IGFN1: variants seen among roughly 807,000 people sequenced by gnomAD.
The protein encoded by IGFN1 is immunoglobulin-like and fibronectin type III domain-containing protein 1.
In IGFN1, 253 loss-of-function variants were observed where a neutral mutation model predicts 289.5. That is an observed-to-expected ratio of 0.87 (90% CI 0.79 to 0.97). The LOEUF (loss-of-function observed/expected upper bound fraction) is 0.97. IGFN1 is among the 50% of genes least tolerant of loss of function. The probability of loss-of-function intolerance (pLI) is 0.00; values close to 1 mark genes in which losing one functional copy is unlikely to be tolerated. For missense variants in IGFN1, 4,470 were observed against 4,686.1 expected (o/e 0.95, Z 1.35); for synonymous variants, 1,706 against 1,788.5 (o/e 0.95, Z 1.16).
chr1:201,211,367 A>G lies in IGFN1; in HGVS notation c.6474A>G (p.Ala2158=), dbSNP rs1322597419. Reference sequence around the variant, plus strand: ...AGGGAATGGGTTCAGAGAGTAAGGCAGGTTTTAGGGATGGTTTAGGGAGTT... The same window carrying G: ...AGGGAATGGGTTCAGAGAGTAAGGCGGGTTTTAGGGATGGTTTAGGGAGTT... ...APKGMGSESK[A]GFRDGLGSSG... The change falls in exon 12 of 24, where the codon GCA becomes GCG. Residue 2158 remains alanine (A), a synonymous_variant. Coordinates refer to ENST00000335211, the MANE Select transcript of IGFN1 (RefSeq NM_001164586.2). 2.7e-6 allele frequency: 4 copies of G among 1,491,268 alleles called. No individual in the cohort carries two copies. In the Admixed American group the frequency reaches 6.2e-5, roughly 23 times the overall value. The allele number at this position is 1,491,268 out of a possible 1,614,324, so 92.4% of individuals were successfully genotyped here.
intron 9 of IGFN1, among the ~76,000 whole-genome samples, chr1:201,202,393 C>G (rs765750469): frequency 6.6e-6 from 1 of 152,174 alleles, no homozygotes; most frequent in African/African-American, 2.4e-5. Context: ...TGTACTGCAG[C>G]GCTAAATGAC....
In IGFN1 at chr1:201,217,318, C is replaced by T. The variant is rs779520874; in HGVS notation, c.9627C>T (p.Ile3209=). ...CCAAGGCCCCTTCCGCGCCAGCCAT[C>T]CTGTCGGCCTCCAGCCAGGGCATCA... is the stretch of plus-strand genomic sequence containing the variant. ...ALPKAPSAPA[I]LSASSQGITL... is the part of the protein sequence containing the mutation. Residue 3209 remains isoleucine, a synonymous_variant, in exon 17 of 24, where the codon ATC becomes ATT. Transcript: ENST00000335211. The T allele has an allele frequency of 3.7e-6, 6 of 1,613,984 alleles. No individual in the cohort carries two copies. Among genetic ancestry groups the T allele is most frequent in the Non-Finnish European group, 5.1e-6 (6 of 1,180,004 alleles).
Position 201,225,927 on chromosome 1 carries a change from G to A in IGFN1, c.10590G>A (p.Leu3530=), listed in dbSNP as rs773313336. 16 of 1,605,912 alleles carry A rather than the reference G, an allele frequency of 1.0e-5. No individual in the cohort carries two copies. The highest frequency in any genetic ancestry group is 1.1e-5 in the Non-Finnish European group (13 of 1,176,296). Residue 3530 remains leucine, a synonymous_variant, in exon 22 of 24, where the codon CTG becomes CTA. Transcript: ENST00000335211. Reference sequence around the variant, plus strand: ...CTGACGAGGCCCAGGATGTCCCGCTGCACTACGCGGTGTTCACACGCTCCT... The same window carrying A: ...CTGACGAGGCCCAGGATGTCCCGCTACACTACGCGGTGTTCACACGCTCCT... ...PSPDEAQDVP[L]HYAVFTRSSA... is the part of the protein sequence containing the mutation.
At chr1:201,204,535 A>G (rs1571445085) in intron 10 of IGFN1, among the ~76,000 whole-genome samples, 1 of 152,280 alleles carries the variant, frequency 6.6e-6, no homozygotes, top group Non-Finnish European at 1.5e-5. Context: ...GGGAGAAAAA[A>G]GGGGGTTATG....
chr1:201,197,126 A>T, intron 4 of IGFN1, 92 bp from the exon 5 acceptor site: 1 of 736,808 alleles, frequency 1.4e-6, no homozygotes. Context: ...ACCATGTCTT[A>T]CTCACTTTAT....
intron 13 of IGFN1, 47 bp downstream of exon 13, chr1:201,214,348 G>C: frequency 6.4e-7 from 1 of 1,557,190 alleles, no homozygotes; most frequent in Non-Finnish European, 8.7e-7. Flanking sequence ...GAGGGACAGA[G>C]GTAAAGCAGA....
chr1:201,224,514 C>G (rs879166646), intron 20 of IGFN1, among the ~76,000 whole-genome samples, 165 bp from the exon 21 acceptor site: 2 of 152,208 alleles, frequency 1.3e-5, no homozygotes, highest in South Asian at 4.1e-4. Flanking sequence ...ATCACCACCC[C>G]TCTTTCCCAC....
At chr1:201,196,521 T>A (rs1666928621) in intron 4 of IGFN1, among the ~76,000 whole-genome samples, 1 of 152,166 alleles carries the variant, frequency 6.6e-6, no homozygotes, top group Non-Finnish European at 1.5e-5. Context: ...ATTTTTGTAT[T>A]TTTAGTAGAG....
In IGFN1 at chr1:201,217,775, G is replaced by A. The variant is rs146200298; in HGVS notation, c.9769+315G>A. On this transcript the variant is annotated intron_variant, in intron 17 of 23. Transcript: ENST00000335211. ...CTGGCAAAAAAATTTCAATTGTGCTGAGGTGAAGAAGCCCTGATTCAGAAA... is the reference window on the plus strand; with the variant it reads ...CTGGCAAAAAAATTTCAATTGTGCTAAGGTGAAGAAGCCCTGATTCAGAAA... 2.4e-4 allele frequency among the ~76,000 whole-genome samples: 37 copies of A among 152,310 alleles called. No individual in the cohort carries two copies. In the East Asian group the frequency reaches 3.3e-3, roughly 13 times the overall value.
chr1:201,196,636 C>T (rs1280267042), intron 4 of IGFN1, among the ~76,000 whole-genome samples: 1 of 152,156 alleles, frequency 6.6e-6, no homozygotes, highest in Non-Finnish European at 1.5e-5. Context: ...TGAGCCACTG[C>T]GCCTGGCCAG....
Position 201,212,163 on chromosome 1 carries a change from C to G in IGFN1, c.7270C>G (p.Pro2424Ala). Residue 2424 changes from proline (P) to alanine (A), a missense_variant, in exon 12 of 24, where the codon CCT (proline) becomes GCT (alanine). By Grantham distance (27) the Pro-to-Ala change is conservative (BLOSUM62 -1). Coordinates refer to ENST00000335211, the MANE Select transcript of IGFN1 (RefSeq NM_001164586.2). Reference protein sequence around the residue: ...LVDGAGPGVEPGMAGMPGTAG... With the variant: ...LVDGAGPGVEAGMAGMPGTAG... ...GGATGGGGCAGGACCTGGGGTGGAA[C>G]CTGGGATGGCTGGAATGCCAGGCAC... 1 of 1,535,996 alleles carries G rather than the reference C, an allele frequency of 6.5e-7. No individual in the cohort carries two copies. Among genetic ancestry groups the G allele is most frequent in the Non-Finnish European group, 8.7e-7 (1 of 1,146,594 alleles).
chr1:201,204,754 G>T (rs1168843545), intron 10 of IGFN1, among the ~76,000 whole-genome samples: 1 of 152,218 alleles, frequency 6.6e-6, no homozygotes, highest in Non-Finnish European at 1.5e-5. Context: ...TTATCTTGGA[G>T]ATGGTCACAA....
At chr1:201,226,196 G>A (rs1654087587) in intron 22 of IGFN1, 73 bp downstream of exon 22, 3 of 1,432,750 alleles carry the variant, frequency 2.1e-6, no homozygotes, top group Non-Finnish European at 2.8e-6. Flanking sequence ...ATGCACCCAA[G>A]CATGGCAAGC....
At chr1:201,215,928 C>A (rs890089232) in intron 15 of IGFN1, 90 bp downstream of exon 15, 3 of 1,222,034 alleles carry the variant, frequency 2.5e-6, no homozygotes, top group African/African-American at 1.5e-5. Context: ...GGGATATGAT[C>A]TCTGCTGGCT....
Position 201,211,528 on chromosome 1 carries a change from C to A in IGFN1, c.6635C>A (p.Ala2212Glu). 6.6e-7 allele frequency: 1 copy of A among 1,520,804 alleles called. No homozygotes were observed. The highest frequency in any genetic ancestry group is 8.8e-7 in the Non-Finnish European group (1 of 1,138,752). The allele number at this position is 1,520,804 out of a possible 1,614,324, so 94.2% of individuals were successfully genotyped here. ...GAAGAAATGGGGTCAGTGAATAAGG[C>A]AGGTTATAGGAAGGATTTGGGGGCT... ...GSEEMGSVNK[A>E]GYRKDLGAPK... Residue 2212 changes from alanine to glutamate, a missense_variant, in exon 12 of 24, where the codon GCA (alanine) becomes GAA (glutamate). Around this residue, in one of 8 missense-constraint regions of IGFN1, gnomAD observed 2,218 missense variants for 2,114.1 expected, o/e 1.05. Coordinates refer to ENST00000335211, the MANE Select transcript of IGFN1 (RefSeq NM_001164586.2).
chr1:201,221,470 C>G lies in IGFN1; in HGVS notation c.9925C>G (p.Gln3309Glu). The change falls in exon 19 of 24, where the codon CAA becomes GAA. Residue 3309 changes from glutamine (Q) to glutamate (E), a missense_variant. By Grantham distance (29) the Gln-to-Glu change is conservative. Transcript: ENST00000335211. ...MRPPGLVRNL[Q>E]VTDRSNTSIT... ...ACCCCCTGGGCTGGTGAGGAATCTC[C>G]AAGTCACAGACAGATCGAACACCAG... The G allele has an allele frequency of 6.2e-7, 1 of 1,604,368 alleles. No individual in the cohort carries two copies. The highest frequency in any genetic ancestry group is 8.5e-7 in the Non-Finnish European group (1 of 1,174,852).
Position 201,207,170 on chromosome 1 carries a change from A to G in IGFN1, c.2277A>G (p.Ile759Met). The G allele has an allele frequency of 6.5e-7, 1 of 1,536,992 alleles. No individual in the cohort carries two copies. The highest frequency in any genetic ancestry group is 1.4e-5 in the African/African-American group (1 of 73,150). ...ACTCACTGCAGGAGGCAGATGGTAT[A>G]TGCCGGGGGGAGTCTGTAGTTACAG... ...AEDSLQEADG[I>M]CRGESVVTGS... The change falls in exon 12 of 24, where the codon ATA (isoleucine) becomes ATG (methionine). Residue 759 changes from isoleucine (I) to methionine (M), a missense_variant. Ile to Met is a conservative substitution (Grantham distance 10). This residue lies in a region of IGFN1 where 2,011 missense variants were observed against 1,953.4 expected (regional missense o/e 1.03). Coordinates refer to ENST00000335211, the MANE Select transcript of IGFN1 (RefSeq NM_001164586.2).
rs763312911 is a variant in IGFN1, at chr1:201,207,165, G to A, written c.2272G>A (p.Gly758Ser). 2 of 1,536,924 alleles carry A rather than the reference G, an allele frequency of 1.3e-6. No individual in the cohort carries two copies. Among genetic ancestry groups the A allele is most frequent in the South Asian group, 2.4e-5 (2 of 84,050 alleles). The change falls in exon 12 of 24, where the codon GGT (glycine) becomes AGT (serine). Residue 758 changes from glycine (G) to serine (S), a missense_variant. Physicochemically the swap from Gly to Ser is moderately conservative, Grantham distance 56 (BLOSUM62 0). Transcript: ENST00000335211. ...KAEDSLQEAD[G>S]ICRGESVVTG... ...TGAAGACTCACTGCAGGAGGCAGAT[G>A]GTATATGCCGGGGGGAGTCTGTAGT...
At position 201,209,070 on chromosome 1, in the gene IGFN1, A is replaced by G. The variant is rs1667578505; in HGVS notation, c.4177A>G (p.Arg1393Gly). 1 of 1,536,654 alleles carries G rather than the reference A, an allele frequency of 6.5e-7. No individual in the cohort carries two copies. Among genetic ancestry groups the G allele is most frequent in the East Asian group, 2.4e-5 (1 of 40,850 alleles). Reference protein sequence around the residue: ...GVPEGMGAGYRAGLRGPGEMG... With the variant: ...GVPEGMGAGYGAGLRGPGEMG... ...TCCTGAGGGAATGGGTGCAGGTTAC[A>G]GGGCTGGTTTAAGGGGTCCTGGGGA... is the stretch of plus-strand genomic sequence containing the variant. Residue 1393 changes from arginine (R) to glycine (G), a missense_variant, in exon 12 of 24, where the codon AGG (arginine) becomes GGG (glycine). This residue lies in a region of IGFN1 where 2,011 missense variants were observed against 1,953.4 expected (regional missense o/e 1.03). Transcript: ENST00000335211.
Sources: gnomAD v4.1 joint callset for allele counts (sites outside exome capture counted in the v4.1 genomes callset) on GRCh38, gnomAD v4.1.1 for gene constraint, gnomAD v4.1.1 regional missense constraint, MANE v1.5 for transcripts, NCBI Gene and HGNC (gene_info 2026-07-23, HGNC 2026-07-21) for gene names.